MAPK8IP3: variants seen among roughly 807,000 people sequenced by gnomAD.
MAPK8IP3 encodes C-Jun-amino-terminal kinase-interacting protein 3.
In MAPK8IP3, 49 loss-of-function variants were observed where a neutral mutation model predicts 157.8. That is an observed-to-expected ratio of 0.31 (90% confidence interval 0.25 to 0.39). The LOEUF is 0.39. MAPK8IP3 is among the 10% of genes least tolerant of loss of function. The probability of loss-of-function intolerance (pLI) is 1.00; values close to 1 mark genes in which losing one functional copy is unlikely to be tolerated. For synonymous variants in MAPK8IP3, 897 were observed against 777.7 expected (o/e 1.15, Z -2.55); for missense variants, 1,478 against 1,889.4 (o/e 0.78, Z 4.04).
chr16:1,748,851 T>C (rs779665459), intron 8 of MAPK8IP3, 131 bp downstream of exon 8: 4 of 848,272 alleles, frequency 4.7e-6, no homozygotes, highest in South Asian at 2.7e-5. Context: ...TCCAGCTTTG[T>C]TGAGTTGCGT....
At chr16:1,719,025 G>T (rs188022565) in intron 1 of MAPK8IP3, among the ~76,000 whole-genome samples, 53 of 152,292 alleles carry the variant, frequency 3.5e-4, no homozygotes, top group Admixed American at 2.7e-3. Flanking sequence ...GTGAGCCTTG[G>T]TCATGCTGCT....
At chr16:1,723,384 T>A (rs1358355005) in intron 1 of MAPK8IP3, among the ~76,000 whole-genome samples, 1 of 152,004 alleles carries the variant, frequency 6.6e-6, no homozygotes, top group African/African-American at 2.4e-5. Flanking sequence ...TTTACCATGT[T>A]GGTCAGGCTG....
chr16:1,760,551 A>C lies in MAPK8IP3; in HGVS notation c.1457+19A>C. 6.2e-7 allele frequency: 1 copy of C among 1,603,936 alleles called. No homozygotes were observed. Among genetic ancestry groups the C allele is most frequent in the Non-Finnish European group, 8.5e-7 (1 of 1,173,128 alleles). ...TGAAAAGGTGAGGGCAGGGCATGGA[A>C]AGCTGGTCAGAGAGGGACCCCGGCC... On this transcript the variant is annotated intron_variant, in intron 12 of 31. Coordinates refer to ENST00000610761, the MANE Select transcript of MAPK8IP3 (RefSeq NM_001318852.2).
At chr16:1,744,708 G>A in intron 5 of MAPK8IP3, 1 of 985,516 alleles carries the variant, frequency 1.0e-6, no homozygotes, top group Non-Finnish European at 1.2e-6. Flanking sequence ...CCTCCGGGCT[G>A]CCTCTCGCGC....
Position 1,768,632 on chromosome 16 carries a change from CG to C in MAPK8IP3, c.3892+10del. The C allele has an allele frequency of 1.2e-6, 2 of 1,606,024 alleles. No homozygotes were observed. Among genetic ancestry groups the C allele is most frequent in the Non-Finnish European group, 1.7e-6 (2 of 1,176,834 alleles). ...CTACATCGACTTCCGCATTGGTGAG[CG>C]GGGCCCAGGGACAGGGCTGAGGTTG... On this transcript the variant is annotated splice_region_variant and intron_variant, in intron 31 of 31. Coordinates refer to ENST00000610761, the MANE Select transcript of MAPK8IP3 (RefSeq NM_001318852.2).
intron 19 of MAPK8IP3, among the ~76,000 whole-genome samples, chr16:1,764,685 C>CTGGG (rs1338247455): frequency 2.0e-5 from 3 of 152,214 alleles, no homozygotes; most frequent in Non-Finnish European, 4.4e-5. Flanking sequence ...TGGGCCTGCA[C>CTGGG]TGGGCTGCAG....
chr16:1,740,066 G>T (rs2040555810), intron 4 of MAPK8IP3, among the ~76,000 whole-genome samples: 1 of 112,350 alleles, frequency 8.9e-6, no homozygotes, highest in African/African-American at 4.2e-5. Flanking sequence ...GACTGTCCGT[G>T]TGAGCGTGAG....
At position 1,742,349 on chromosome 16, in the gene MAPK8IP3, G is replaced by A. The variant is rs2040733373; in HGVS notation, c.603-983G>A. ...AGCAGGGGGCACTGAGCACTGTCCT[G>A]ACAGCTCCAGCTCCCAGGCGCTCCC... is the stretch of plus-strand genomic sequence containing the variant. On this transcript the variant is annotated intron_variant, in intron 4 of 31. Transcript: ENST00000610761. The surrounding 1 kb of genome is among the most constrained non-coding windows in gnomAD (Gnocchi z 5.0). Among the ~76,000 whole-genome samples, 2 of 152,168 alleles carry A rather than the reference G, an allele frequency of 1.3e-5. No homozygotes were observed. Among genetic ancestry groups the A allele is most frequent in the African/African-American group, 2.4e-5 (1 of 41,426 alleles).
At chr16:1,715,383 C>T (rs1050914543) in intron 1 of MAPK8IP3, among the ~76,000 whole-genome samples, 10 of 152,122 alleles carry the variant, frequency 6.6e-5, no homozygotes, top group African/African-American at 2.4e-4. Context: ...CCTAGGTGGC[C>T]AGGCAATTGT....
chr16:1,729,636 G>A (rs1055510978), intron 4 of MAPK8IP3, 58 bp downstream of exon 4: 1 of 1,478,266 alleles, frequency 6.8e-7, no homozygotes, highest in Non-Finnish European at 9.2e-7. Flanking sequence ...GAGGTACGCA[G>A]GACGCGGCAC....
rs753963140 is a variant in MAPK8IP3, at chr16:1,748,632, C to T, written c.1128C>T (p.Phe376=). 20 of 1,614,000 alleles carry T rather than the reference C, an allele frequency of 1.2e-5. No homozygotes were observed. The East Asian group carries it at 2.5e-4, about 20-fold the overall frequency. Residue 376 remains phenylalanine (F), a synonymous_variant, in exon 8 of 32, where the codon TTC becomes TTT. Coordinates refer to ENST00000610761, the MANE Select transcript of MAPK8IP3 (RefSeq NM_001318852.2). ...SPTQGIVNKA[F]GINTDSLYHE... is the part of the protein sequence containing the mutation. ...CCCAGGGCATCGTGAACAAAGCTTT[C>T]GGCATCAACACCGACTCCCTGTACC... is the stretch of plus-strand genomic sequence containing the variant.
chr16:1,750,149 G>A (rs2041206614), intron 8 of MAPK8IP3, among the ~76,000 whole-genome samples: 1 of 152,050 alleles, frequency 6.6e-6, no homozygotes, highest in Admixed American at 6.6e-5. Context: ...GCTAAATAGG[G>A]GTAATCTCTT....
intron 26 of MAPK8IP3, 36 bp from the exon 27 acceptor site, chr16:1,767,528 C>T (rs368330137): frequency 1.9e-6 from 3 of 1,600,420 alleles, no homozygotes; most frequent in Non-Finnish European, 2.6e-6. Flanking sequence ...CCTCTCCTCT[C>T]CCCAGCCCTG....
intron 5 of MAPK8IP3, chr16:1,746,623 C>G (rs1185025332): frequency 4.8e-6 from 1 of 206,366 alleles, no homozygotes; most frequent in African/African-American, 2.3e-5. Flanking sequence ...GCACAGCCAG[C>G]CCTTCTTGGG....
chr16:1,718,975 A>G (rs2038338524), intron 1 of MAPK8IP3, among the ~76,000 whole-genome samples: 1 of 152,162 alleles, frequency 6.6e-6, no homozygotes, highest in African/African-American at 2.4e-5. Flanking sequence ...AGGCTGTGGC[A>G]GGAGGATTGC....
intron 8 of MAPK8IP3, among the ~76,000 whole-genome samples, chr16:1,749,686 G>C (rs192237535): frequency 1.3e-5 from 2 of 152,340 alleles, no homozygotes; most frequent in East Asian, 1.9e-4. Flanking sequence ...CCCCTTGCAC[G>C]CGTCAGGGTC....
At chr16:1,730,428 AC>A (rs570758387) in intron 4 of MAPK8IP3, among the ~76,000 whole-genome samples, 28 of 151,178 alleles carry the variant, frequency 1.9e-4, no homozygotes, top group African/African-American at 6.6e-4. Flanking sequence ...ATGTGGTGAA[AC>A]CCCATCTCTA....
intron 8 of MAPK8IP3, among the ~76,000 whole-genome samples, chr16:1,757,782 G>A (rs992352373): frequency 3.9e-5 from 6 of 152,190 alleles, no homozygotes; most frequent in African/African-American, 1.4e-4. Context: ...TTTGGAGACT[G>A]GGTACCTGCC....
chr16:1,757,286 A>G (rs576943952), intron 8 of MAPK8IP3, among the ~76,000 whole-genome samples: 21 of 152,192 alleles, frequency 1.4e-4, no homozygotes, highest in African/African-American at 4.8e-4. Flanking sequence ...TTGTATTTTT[A>G]GTAGAGACGG....
Sources: allele counts gnomAD v4.1 joint callset (sites outside exome capture counted in the v4.1 genomes callset), GRCh38; gene constraint gnomAD v4.1.1; non-coding constraint Gnocchi (gnomAD v3.1); transcripts MANE v1.5; gene names NCBI Gene and HGNC (gene_info 2026-07-23, HGNC 2026-07-21).